CDH13: variants seen among roughly 807,000 people sequenced by gnomAD.
The protein encoded by CDH13 is cadherin 13, also known as cadherin-13.
Under a neutral mutation model 63.8 loss-of-function variants are expected in CDH13, and 24 were observed. The ratio of observed to expected loss-of-function variants is 0.38; its 90% CI spans 0.27 to 0.53. The LOEUF (loss-of-function observed/expected upper bound fraction) is 0.53. Ranked by LOEUF, CDH13 falls within the 20% of genes least tolerant of loss-of-function variation. The pLI, the probability that CDH13 is intolerant of heterozygous loss-of-function variation, is 0.85. For missense variants in CDH13, 1,049 were observed against 903.1 expected (o/e 1.16, Z -2.07); for synonymous variants, 503 against 355.3 (o/e 1.42, Z -4.67).
At chr16:83,630,588 C>G (rs1372319587) in intron 8 of CDH13, among the ~76,000 whole-genome samples, 1 of 152,156 alleles carries the variant, frequency 6.6e-6, no homozygotes, top group Non-Finnish European at 1.5e-5. Context: ...ATGTCTTAGT[C>G]TAGCTCAGTG....
At chr16:83,469,503 A>G (rs1051830269) in intron 6 of CDH13, among the ~76,000 whole-genome samples, 2 of 152,214 alleles carry the variant, frequency 1.3e-5, no homozygotes, top group African/African-American at 4.8e-5. Context: ...AACTAAAGCT[A>G]TTCAAGAGTC....
chr16:83,253,982 A>G (rs1458106686), intron 5 of CDH13, among the ~76,000 whole-genome samples: 6 of 152,178 alleles, frequency 3.9e-5, no homozygotes, highest in Non-Finnish European at 8.8e-5. Context: ...AGTCAATCTT[A>G]GATAGAGAGC....
At chr16:82,726,392 T>C (rs1263369588) in intron 1 of CDH13, among the ~76,000 whole-genome samples, 1 of 152,210 alleles carries the variant, frequency 6.6e-6, no homozygotes, top group African/African-American at 2.4e-5. Context: ...ATTGTGGACA[T>C]TGCAGCTGGA....
At chr16:82,950,017 AAAG>A (rs1905125802) in intron 2 of CDH13, among the ~76,000 whole-genome samples, 1 of 152,120 alleles carries the variant, frequency 6.6e-6, no homozygotes, top group African/African-American at 2.4e-5. Context: ...AAAAGGGAAG[AAAG>A]AAGATTGTTG....
chr16:83,600,252 C>T (rs1907659267), intron 7 of CDH13, among the ~76,000 whole-genome samples: 1 of 152,176 alleles, frequency 6.6e-6, no homozygotes, highest in South Asian at 2.1e-4. Context: ...AGTCAGAGAA[C>T]CGTGTGACCT....
intron 5 of CDH13, among the ~76,000 whole-genome samples, chr16:83,341,233 G>C (rs1333055821): frequency 6.6e-6 from 1 of 152,194 alleles, no homozygotes; most frequent in Non-Finnish European, 1.5e-5. Context: ...CTAAGGTTTT[G>C]TGTGCTTTGG....
chr16:83,518,467 G>GT (rs1332480569), intron 7 of CDH13, among the ~76,000 whole-genome samples: 2 of 133,402 alleles, frequency 1.5e-5, no homozygotes, highest in Non-Finnish European at 3.1e-5. Context: ...GTTTTTTTTT[G>GT]TTTTTTGTTT....
intron 4 of CDH13, among the ~76,000 whole-genome samples, chr16:83,154,470 G>A (rs972933819): frequency 6.6e-6 from 1 of 151,920 alleles, no homozygotes; most frequent in African/African-American, 2.4e-5. Context: ...TGGAGGCTGA[G>A]GCAGGAGAAT....
At chr16:82,757,837 G>C (rs1567504772) in intron 1 of CDH13, among the ~76,000 whole-genome samples, 2 of 152,004 alleles carry the variant, frequency 1.3e-5, no homozygotes, top group Non-Finnish European at 2.9e-5. Context: ...TTTTAGTAGA[G>C]ACAGAGTTTC....
intron 10 of CDH13, 85 bp downstream of exon 10, chr16:83,678,546 C>G (rs1915151856): frequency 1.3e-6 from 2 of 1,492,040 alleles, no homozygotes; most frequent in South Asian, 1.2e-5. Flanking sequence ...TTGTCAGGAG[C>G]AGACACCATT....
intron 11 of CDH13, among the ~76,000 whole-genome samples, chr16:83,776,025 A>G (rs1206005512): frequency 1.3e-5 from 2 of 152,214 alleles, no homozygotes; most frequent in African/African-American, 4.8e-5. Context: ...TCCCGTGCAT[A>G]GAAACTGAGA....
chr16:82,673,205 T>C (rs1913502139), intron 1 of CDH13, among the ~76,000 whole-genome samples: 1 of 152,016 alleles, frequency 6.6e-6, no homozygotes, highest in African/African-American at 2.4e-5. Context: ...GGTAGGAATT[T>C]GGTAGATGCA....
intron 5 of CDH13, among the ~76,000 whole-genome samples, chr16:83,317,354 G>T (rs1217415385): frequency 6.6e-6 from 1 of 152,182 alleles, no homozygotes; most frequent in East Asian, 1.9e-4. Flanking sequence ...GACTTTGAAT[G>T]TGGAACTTAC....
At chr16:83,300,425 C>G (rs893230197) in intron 5 of CDH13, among the ~76,000 whole-genome samples, 2 of 152,196 alleles carry the variant, frequency 1.3e-5, no homozygotes, top group Non-Finnish European at 2.9e-5. Flanking sequence ...ATTTGATTTT[C>G]TCAAACCTGG....
At chr16:83,267,411 T>G (rs1907755686) in intron 5 of CDH13, among the ~76,000 whole-genome samples, 1 of 152,090 alleles carries the variant, frequency 6.6e-6, no homozygotes, top group Non-Finnish European at 1.5e-5. Flanking sequence ...GCACATCGGC[T>G]TATAGGAGAA....
At chr16:82,650,472 C>A (rs1014670697) in intron 1 of CDH13, among the ~76,000 whole-genome samples, 1 of 152,232 alleles carries the variant, frequency 6.6e-6, no homozygotes, top group East Asian at 1.9e-4. Flanking sequence ...GCCTGCACAC[C>A]ACAGACTTGG....
chr16:83,499,200 A>T (rs2074215550), intron 7 of CDH13, among the ~76,000 whole-genome samples: 2 of 152,340 alleles, frequency 1.3e-5, no homozygotes, highest in Admixed American at 6.5e-5. Flanking sequence ...ATGTAAAATG[A>T]TGTGGCAAAA....
At chr16:83,125,987 A>T (rs912354217) in intron 4 of CDH13, among the ~76,000 whole-genome samples, 5 of 152,220 alleles carry the variant, frequency 3.3e-5, no homozygotes, top group African/African-American at 1.2e-4. Context: ...ACACTGTCCC[A>T]TGAATCAGAA....
chr16:83,600,477 A>G lies in CDH13; in HGVS notation c.961-1977A>G, dbSNP rs188008727. Among the ~76,000 whole-genome samples the G allele has an allele frequency of 8.9e-4, 135 of 152,346 alleles. 2 individuals are homozygous for G. The highest frequency in any genetic ancestry group is 2.5e-4 in the Non-Finnish European group (17 of 68,038). On this transcript the variant is annotated intron_variant, in intron 7 of 13. Transcript: ENST00000567109. ...TCCCTATGAGCAGACAGCCAGTTGC[A>G]CTTCAAAATACTTAAAAGTTTTTGA...
Sources: allele counts gnomAD v4.1 joint callset (sites outside exome capture counted in the v4.1 genomes callset), GRCh38; gene constraint gnomAD v4.1.1; transcripts MANE v1.5; gene names NCBI Gene and HGNC (gene_info 2026-07-23, HGNC 2026-07-21).